The following MYCT1 variants were observed in gnomAD, a reference collection of about 807,000 sequenced individuals.
MYCT1 encodes the protein myc target protein 1.
In MYCT1, 12 loss-of-function variants were observed where a neutral mutation model predicts 15.0. The observed-to-expected ratio is 0.80, with a 90% CI of 0.51 to 1.29. MYCT1 has a LOEUF of 1.29. Among genes scored for constraint, MYCT1 ranks in the 50% most tolerant of loss-of-function variants. MYCT1 has a pLI of 0.00. For missense variants in MYCT1, 287 were observed against 279.1 expected, an observed-to-expected ratio of 1.03 and a Z score of -0.20; for synonymous variants, 104 against 102.7, an observed-to-expected ratio of 1.01 and a Z score of -0.07.
chr6:152,712,993 T>C (rs2099723017), intron 1 of MYCT1, among the ~76,000 whole-genome samples: 1 of 152,100 alleles, frequency 6.6e-6, no homozygotes, highest in East Asian at 1.9e-4. Flanking sequence ...AAAATGTTTT[T>C]AGCTCCATCC....
chr6:152,736,964 ATGT>A, the MYCT1 span, among the ~76,000 whole-genome samples: 3 of 152,178 alleles, frequency 2.0e-5, no homozygotes, highest in Non-Finnish European at 2.9e-5. Context: ...ACAGAAAATG[ATGT>A]TGTGAGCCTT....
At chr6:152,743,842 T>C in the MYCT1 span, among the ~76,000 whole-genome samples, 1 of 152,230 alleles carries the variant, frequency 6.6e-6, no homozygotes, top group African/African-American at 2.4e-5. Context: ...ATGAGAACAT[T>C]AGTGTTCCAG....
At chr6:152,727,328 C>T (rs1019125034), downstream of MYCT1, among the ~76,000 whole-genome samples, 1 of 152,022 alleles carries the variant, frequency 6.6e-6, no homozygotes, top group African/African-American at 2.4e-5. Context: ...AATATTTGTC[C>T]AGGGCCTCAC....
chr6:152,716,781 C>T (rs980730411), intron 1 of MYCT1, among the ~76,000 whole-genome samples: 1 of 152,076 alleles, frequency 6.6e-6, no homozygotes, highest in Non-Finnish European at 1.5e-5. Context: ...ATTTATATGG[C>T]ATAGCTGACC....
At chr6:152,729,788 C>T in the MYCT1 span, among the ~76,000 whole-genome samples, 2 of 152,136 alleles carry the variant, frequency 1.3e-5, no homozygotes, top group Admixed American at 1.3e-4. Context: ...GCTCAACAGA[C>T]CAAAAGGGTC....
At chr6:152,734,463 A>G in the MYCT1 span, among the ~76,000 whole-genome samples, 3 of 152,188 alleles carry the variant, frequency 2.0e-5, no homozygotes, top group African/African-American at 7.2e-5. Context: ...GTTGGTGTTT[A>G]GACACTTCCA....
At chr6:152,732,535 T>C in the MYCT1 span, among the ~76,000 whole-genome samples, 1 of 152,156 alleles carries the variant, frequency 6.6e-6, no homozygotes, top group Non-Finnish European at 1.5e-5. Flanking sequence ...AATACATAAA[T>C]ATGTAAAAAT....
downstream of MYCT1, among the ~76,000 whole-genome samples, chr6:152,726,268 A>G (rs894475956): frequency 6.6e-6 from 1 of 152,080 alleles, no homozygotes; most frequent in African/African-American, 2.4e-5. Context: ...GTGGTGGCAC[A>G]TGCCTGTAAT....
At chr6:152,735,025 G>A in the MYCT1 span, among the ~76,000 whole-genome samples, 1 of 152,160 alleles carries the variant, frequency 6.6e-6, no homozygotes, top group African/African-American at 2.4e-5. Flanking sequence ...TGCTTATGAG[G>A]TAATGCTGCT....
At position 152,722,813 on chromosome 6, in the gene MYCT1, A is replaced by C. The variant is rs1316296918; in HGVS notation, c.*560A>C. The C allele has an allele frequency of 8.2e-6, 3 of 365,412 alleles. No homozygotes were observed. The highest frequency in any genetic ancestry group is 1.6e-5 in the Non-Finnish European group (3 of 185,142). The allele number at this position is 365,412 out of a possible 1,614,324, so 22.6% of individuals were successfully genotyped here. A position where few individuals can be genotyped will look rare whatever the true frequency, so the allele number is the denominator to read the frequency against. On this transcript the variant is annotated 3_prime_UTR_variant, in exon 2 of 2. Coordinates refer to ENST00000367245, the MANE Select transcript of MYCT1 (RefSeq NM_025107.3). ...AGTTGCAGTAGCATGATCAGGACTC[A>C]CTGCAGCCTCTATCTCCCAGGCTCA...
At chr6:152,744,528 C>T in the MYCT1 span, among the ~76,000 whole-genome samples, 34 of 152,192 alleles carry the variant, frequency 2.2e-4, no homozygotes, top group African/African-American at 7.2e-4. Context: ...AGTGAGGTAG[C>T]GAGTAATCCA....
chr6:152,740,792 C>T, the MYCT1 span, among the ~76,000 whole-genome samples: 1,733 of 151,980 alleles, frequency 0.011, 42 homozygotes, highest in African/African-American at 0.04. Flanking sequence ...AAATTTACAG[C>T]GTATTTAGTT....
At chr6:152,699,209 T>C (rs143319862) in intron 1 of MYCT1, among the ~76,000 whole-genome samples, 1 of 152,294 alleles carries the variant, frequency 6.6e-6, no homozygotes, top group African/African-American at 2.4e-5. Context: ...GAAATTTGCA[T>C]GAAAAGAATT....
chr6:152,699,220 C>A (rs183347608), intron 1 of MYCT1, among the ~76,000 whole-genome samples: 1 of 152,092 alleles, frequency 6.6e-6, no homozygotes, highest in Admixed American at 6.5e-5. Flanking sequence ...GAAAAGAATT[C>A]ACTCCAGTCC....
chr6:152,734,622 T>C, the MYCT1 span, among the ~76,000 whole-genome samples: 1 of 152,194 alleles, frequency 6.6e-6, no homozygotes, highest in Non-Finnish European at 1.5e-5. Flanking sequence ...ATGGAAATTC[T>C]CATTGGAAAA....
downstream of MYCT1, among the ~76,000 whole-genome samples, chr6:152,725,427 GT>G (rs1171305653): frequency 7.2e-5 from 11 of 152,174 alleles, no homozygotes; most frequent in Non-Finnish European, 1.5e-4. Flanking sequence ...CACTCTAGTA[GT>G]TTTTTCTATC....
intron 1 of MYCT1, 101 bp downstream of exon 1, chr6:152,698,199 C>T (rs2099720739): frequency 3.3e-6 from 2 of 603,608 alleles, no homozygotes; most frequent in African/African-American, 1.9e-5. Context: ...ATTTTGTTTA[C>T]TATAATGTGA....
chr6:152,717,974 G>A (rs979725495), intron 1 of MYCT1, among the ~76,000 whole-genome samples: 3 of 151,752 alleles, frequency 2.0e-5, no homozygotes, highest in South Asian at 2.1e-4. Context: ...TGATTCTCAC[G>A]TACATTTTAA....
At chr6:152,733,496 T>A in the MYCT1 span, among the ~76,000 whole-genome samples, 1 of 152,244 alleles carries the variant, frequency 6.6e-6, no homozygotes, top group South Asian at 2.1e-4. Flanking sequence ...CAGTTGCTGC[T>A]GACTGTTTTT....
Sources: allele counts gnomAD v4.1 joint callset (sites outside exome capture counted in the v4.1 genomes callset), GRCh38; gene constraint gnomAD v4.1.1; transcripts MANE v1.5; gene names NCBI Gene and HGNC (gene_info 2026-07-23, HGNC 2026-07-21).